MYT1L: variants seen among roughly 807,000 people sequenced by gnomAD.
MYT1L encodes myelin transcription factor 1-like protein.
A neutral mutation model predicts 126.7 loss-of-function variants in MYT1L; 12 were observed. That is an observed-to-expected ratio of 0.09 (90% CI 0.06 to 0.15). MYT1L has a LOEUF of 0.15. MYT1L is among the 10% of genes least tolerant of loss of function. The pLI, the probability that MYT1L is intolerant of heterozygous loss-of-function variation, is 1.00. For missense variants in MYT1L, 979 were observed against 1,585.2 expected, an observed-to-expected ratio of 0.62 and a Z score of 6.49; for synonymous variants, 541 against 604.2, an observed-to-expected ratio of 0.90 and a Z score of 1.53.
intron 4 of MYT1L, among the ~76,000 whole-genome samples, chr2:2,004,224 G>T (rs947103577): frequency 1.5e-3 from 115 of 75,778 alleles, no homozygotes; most frequent in Admixed American, 9.3e-3. Flanking sequence ...CTTTCCTGCA[G>T]GCGTTCTTTC....
chr2:2,121,467 C>A (rs2081001031), intron 3 of MYT1L, among the ~76,000 whole-genome samples: 1 of 148,060 alleles, frequency 6.8e-6, no homozygotes, highest in Non-Finnish European at 1.5e-5. Context: ...GAGCCACCGC[C>A]CTCAACCTCT....
intron 5 of MYT1L, among the ~76,000 whole-genome samples, 198 bp downstream of exon 5, chr2:1,996,993 T>TAGTG (rs1219424538): frequency 7.7e-5 from 9 of 117,196 alleles, no homozygotes; most frequent in African/African-American, 3.0e-4. Context: ...CGCCTTTACC[T>TAGTG]AGTGAGGGCC....
At chr2:2,086,896 C>G (rs546626648) in intron 3 of MYT1L, among the ~76,000 whole-genome samples, 1 of 152,344 alleles carries the variant, frequency 6.6e-6, no homozygotes, top group Non-Finnish European at 1.5e-5. Context: ...GGGATGCCTG[C>G]CCCTCAGATG....
intron 2 of MYT1L, among the ~76,000 whole-genome samples, chr2:2,195,505 G>T (rs999201073): frequency 1.3e-5 from 2 of 152,110 alleles, no homozygotes; most frequent in African/African-American, 4.8e-5. Flanking sequence ...TGAGAGTAAG[G>T]CTACAATCTT....
At chr2:2,071,147 T>A (rs2074548350) in intron 3 of MYT1L, among the ~76,000 whole-genome samples, 1 of 152,158 alleles carries the variant, frequency 6.6e-6, no homozygotes, top group Non-Finnish European at 1.5e-5. Context: ...AATGTTAATA[T>A]GTAATAAAGC....
At chr2:2,098,511 C>T (rs2077695210) in intron 3 of MYT1L, among the ~76,000 whole-genome samples, 1 of 152,136 alleles carries the variant, frequency 6.6e-6, no homozygotes, top group African/African-American at 2.4e-5. Flanking sequence ...GGAGATCGTG[C>T]CTCCCAGAGA....
intron 3 of MYT1L, among the ~76,000 whole-genome samples, chr2:2,065,846 A>ACACG (rs1553455289): frequency 1.1e-4 from 13 of 117,338 alleles, no homozygotes; most frequent in African/African-American, 4.2e-4. Flanking sequence ...ACACACACAC[A>ACACG]CGCACACACA....
In MYT1L at chr2:1,943,007, C is replaced by T. The variant is rs755865898; in HGVS notation, c.480G>A (p.Glu160=). 22 of 1,528,958 alleles carry T rather than the reference C, an allele frequency of 1.4e-5. No individual in the cohort carries two copies. Among genetic ancestry groups the T allele is most frequent in the Non-Finnish European group, 1.9e-5 (22 of 1,128,714 alleles). 94.7% of individuals were successfully genotyped at this position (1,528,958 alleles called of 1,614,324 possible). ...CGTTTTCTTCTTCCTCTTCCTCCTCCTCCTCCTCCTCCTCTTCCTCTTCTT... is the reference window on the plus strand; with the variant it reads ...CGTTTTCTTCTTCCTCTTCCTCCTCTTCCTCCTCCTCCTCTTCCTCTTCTT... ...EDEEEEEEEE[E]EEEEEEENED... The change falls in exon 9 of 25, where the codon GAG becomes GAA. Residue 160 remains glutamate, a synonymous_variant. Coordinates refer to ENST00000647738, the MANE Select transcript of MYT1L (RefSeq NM_001303052.2). This position sits in a 1 kb window ranked among gnomAD's most constrained non-coding sequence, Gnocchi z 4.4.
chr2:2,006,978 G>A (rs975530953), intron 4 of MYT1L, among the ~76,000 whole-genome samples: 3 of 151,744 alleles, frequency 2.0e-5, no homozygotes, highest in Admixed American at 6.6e-5. Context: ...TATTTTCTGG[G>A]TATATCTATA....
chr2:2,073,249 C>T (rs769933060), intron 3 of MYT1L, among the ~76,000 whole-genome samples: 6 of 151,834 alleles, frequency 4.0e-5, no homozygotes, highest in Non-Finnish European at 8.8e-5. Context: ...CTCATACTTA[C>T]GTTATATTTC....
intron 3 of MYT1L, among the ~76,000 whole-genome samples, chr2:2,169,403 T>C (rs1191572797): frequency 1.3e-5 from 2 of 152,190 alleles, no homozygotes; most frequent in Non-Finnish European, 2.9e-5. Flanking sequence ...GTGGAAAATG[T>C]CAACTAATAC....
intron 8 of MYT1L, among the ~76,000 whole-genome samples, chr2:1,966,603 C>G (rs774948586): frequency 9.2e-5 from 14 of 152,122 alleles, no homozygotes; most frequent in Non-Finnish European, 1.9e-4. Context: ...TGCAAAGATA[C>G]TTTTCCCACT....
At chr2:1,958,108 G>T (rs2058660452) in intron 8 of MYT1L, among the ~76,000 whole-genome samples, 3 of 148,668 alleles carry the variant, frequency 2.0e-5, no homozygotes, top group Non-Finnish European at 4.4e-5. Context: ...TGTCGCTAAG[G>T]TCTGAGTTGC....
intron 1 of MYT1L, among the ~76,000 whole-genome samples, chr2:2,329,167 C>T (rs2096269537): frequency 6.6e-6 from 1 of 152,182 alleles, no homozygotes; most frequent in African/African-American, 2.4e-5. Flanking sequence ...GCCTGAATAG[C>T]ACTGTCTACA....
intron 15 of MYT1L, among the ~76,000 whole-genome samples, chr2:1,891,506 T>G (rs62114755): frequency 0.044 from 6,693 of 152,312 alleles, 166 homozygotes; most frequent in East Asian, 0.078. Flanking sequence ...CATAGCACTA[T>G]AGCATCCATG....
intron 3 of MYT1L, among the ~76,000 whole-genome samples, chr2:2,120,182 G>C (rs1304384462): frequency 6.6e-6 from 1 of 152,156 alleles, no homozygotes; most frequent in Non-Finnish European, 1.5e-5. Context: ...TCAATCAGCT[G>C]AGTTTTCTAT....
intron 3 of MYT1L, among the ~76,000 whole-genome samples, chr2:2,077,497 A>G (rs1421987048): frequency 6.6e-6 from 1 of 152,218 alleles, no homozygotes; most frequent in Non-Finnish European, 1.5e-5. Context: ...ACATGATTCA[A>G]TTAAATGGTC....
chr2:2,086,267 C>T (rs969344999), intron 3 of MYT1L, among the ~76,000 whole-genome samples: 4 of 152,154 alleles, frequency 2.6e-5, no homozygotes, highest in South Asian at 2.1e-4. Flanking sequence ...ATTGTGTCAA[C>T]GGAGCACTCC....
At chr2:1,813,541 G>A (rs958086394) in intron 21 of MYT1L, among the ~76,000 whole-genome samples, 2 of 152,192 alleles carry the variant, frequency 1.3e-5, no homozygotes, top group Non-Finnish European at 2.9e-5. Flanking sequence ...TGGGCAGTGG[G>A]CGGGCGAGCA....
Sources: allele counts gnomAD v4.1 joint callset (sites outside exome capture counted in the v4.1 genomes callset), GRCh38; gene constraint gnomAD v4.1.1; non-coding constraint Gnocchi (gnomAD v3.1); transcripts MANE v1.5; gene names NCBI Gene and HGNC (gene_info 2026-07-23, HGNC 2026-07-21).